Variants in CCSER1 observed in about 807,000 individuals in gnomAD.
CCSER1 encodes the protein coiled-coil serine rich protein 1.
A neutral mutation model predicts 82.0 loss-of-function variants in CCSER1; 41 were observed. That is an observed-to-expected ratio of 0.50 (90% confidence interval 0.39 to 0.65). The LOEUF is 0.65. Among genes scored for constraint, CCSER1 ranks in the 30% least tolerant of loss-of-function variants. The pLI is 0.00. For synonymous variants in CCSER1, 414 were observed against 383.9 expected (o/e 1.08, Z -0.92); for missense variants, 1,119 against 1,064.2 (o/e 1.05, Z -0.72).
chr4:91,212,175 A>T (rs1736871680), intron 10 of CCSER1, among the ~76,000 whole-genome samples: 1 of 152,008 alleles, frequency 6.6e-6, no homozygotes, highest in Non-Finnish European at 1.5e-5. Flanking sequence ...GTTGCTTAGA[A>T]CAGAACATAC....
At chr4:90,217,116 C>T (rs530055192) in intron 1 of CCSER1, among the ~76,000 whole-genome samples, 4 of 152,188 alleles carry the variant, frequency 2.6e-5, no homozygotes, top group East Asian at 1.9e-4. Context: ...TACTAATTTT[C>T]GTACATTGAT....
At chr4:91,381,582 T>A (rs542898746) in intron 10 of CCSER1, among the ~76,000 whole-genome samples, 1 of 152,328 alleles carries the variant, frequency 6.6e-6, no homozygotes, top group South Asian at 2.1e-4. Flanking sequence ...CGTGCCATGG[T>A]TTTCAGCTCC....
intron 5 of CCSER1, among the ~76,000 whole-genome samples, chr4:90,487,612 C>G (rs1767314058): frequency 6.6e-6 from 1 of 152,202 alleles, no homozygotes; most frequent in South Asian, 2.1e-4. Flanking sequence ...ATGGAATAAA[C>G]AGCTGAAAGA....
Position 90,275,377 on chromosome 4 carries a change from TAATA to T in CCSER1, c.-41-32862_-41-32859del, listed in dbSNP as rs371085033. ...CATAAGGATTCATAGTAGAGGAGAA[TAATA>T]AATACAAATGTGAAAATAAAAGGGG... On this transcript the variant is annotated intron_variant, in intron 1 of 10. Transcript: ENST00000509176. 9.1e-3 allele frequency among the ~76,000 whole-genome samples: 1,382 copies of T among 152,210 alleles called. 16 individuals are homozygous for T. The highest frequency in any genetic ancestry group is 0.049 in the South Asian group (234 of 4,822).
At chr4:90,447,023 T>A (rs1012261624) in intron 4 of CCSER1, among the ~76,000 whole-genome samples, 4 of 152,060 alleles carry the variant, frequency 2.6e-5, no homozygotes, top group Non-Finnish European at 5.9e-5. Context: ...ACTTATATTA[T>A]CAGTAAAACT....
intron 3 of CCSER1, among the ~76,000 whole-genome samples, chr4:90,329,908 T>C (rs1359079829): frequency 6.6e-6 from 1 of 152,158 alleles, no homozygotes; most frequent in Non-Finnish European, 1.5e-5. Context: ...ATGTGACTAC[T>C]TATGTAACTT....
chr4:90,161,582 A>G (rs1036444733), intron 1 of CCSER1, among the ~76,000 whole-genome samples: 2 of 152,126 alleles, frequency 1.3e-5, no homozygotes, highest in Non-Finnish European at 2.9e-5. Context: ...TTAAATGAGA[A>G]TAATTATAGA....
intron 10 of CCSER1, among the ~76,000 whole-genome samples, chr4:91,251,542 A>G (rs1740262972): frequency 6.6e-6 from 1 of 152,188 alleles, no homozygotes; most frequent in Non-Finnish European, 1.5e-5. Flanking sequence ...TTAATCATGT[A>G]GTTATCTGGC....
At chr4:90,132,955 G>A (rs1484994665) in intron 1 of CCSER1, among the ~76,000 whole-genome samples, 4 of 152,102 alleles carry the variant, frequency 2.6e-5, no homozygotes, top group Non-Finnish European at 5.9e-5. Context: ...TTTTCAAAAT[G>A]TGGTGTCCTA....
chr4:91,006,552 T>G (rs564733885), intron 9 of CCSER1, among the ~76,000 whole-genome samples: 17 of 151,760 alleles, frequency 1.1e-4, no homozygotes, highest in African/African-American at 2.4e-5. Flanking sequence ...TGCAGTGGCG[T>G]GATCTCGGCT....
intron 1 of CCSER1, among the ~76,000 whole-genome samples, chr4:90,156,226 T>C (rs914604735): frequency 1.2e-4 from 18 of 152,230 alleles, no homozygotes; most frequent in Non-Finnish European, 2.4e-4. Flanking sequence ...GATTGCACTG[T>C]GGTCTGAGAG....
At chr4:90,937,256 G>T (rs996568697) in intron 9 of CCSER1, among the ~76,000 whole-genome samples, 1 of 152,114 alleles carries the variant, frequency 6.6e-6, no homozygotes, top group African/African-American at 2.4e-5. Context: ...GAACTCGAGT[G>T]ATGGGTCACT....
chr4:91,489,796 A>ACAATAAAAATAAATAAAT, intron 10 of CCSER1, among the ~76,000 whole-genome samples: 1 of 151,572 alleles, frequency 6.6e-6, no homozygotes, highest in Non-Finnish European at 1.5e-5. Context: ...TTAAAATAAA[A>ACAATAAAAATAAATAAAT]AAAAGATTGA....
At chr4:91,032,719 T>C (rs1741092214) in intron 9 of CCSER1, among the ~76,000 whole-genome samples, 1 of 152,206 alleles carries the variant, frequency 6.6e-6, no homozygotes. Context: ...TAATTGTTAT[T>C]AAGAGTTGTA....
intron 10 of CCSER1, among the ~76,000 whole-genome samples, chr4:91,208,896 T>C (rs557460170): frequency 2.6e-5 from 4 of 152,138 alleles, no homozygotes; most frequent in Non-Finnish European, 4.4e-5. Flanking sequence ...CTTTGAGCAG[T>C]GTCTTGTAAT....
chr4:90,740,774 GTTCT>G (rs1746421070), intron 7 of CCSER1, among the ~76,000 whole-genome samples: 1 of 151,930 alleles, frequency 6.6e-6, no homozygotes, highest in Non-Finnish European at 1.5e-5. Flanking sequence ...CTGTTTTGGG[GTTCT>G]TTAAGTAGTA....
chr4:90,917,660 A>G (rs1185283291), intron 8 of CCSER1, among the ~76,000 whole-genome samples: 2 of 152,132 alleles, frequency 1.3e-5, no homozygotes, highest in East Asian at 3.9e-4. Flanking sequence ...CTTAAAGTAT[A>G]ATTTTTTAAA....
intron 9 of CCSER1, among the ~76,000 whole-genome samples, chr4:90,931,017 A>G (rs1400617114): frequency 2.1e-5 from 3 of 141,152 alleles, no homozygotes; most frequent in Non-Finnish European, 4.5e-5. Context: ...TCCTTGAAAT[A>G]TATATATATA....
At chr4:90,613,550 T>G (rs1720645913) in intron 5 of CCSER1, among the ~76,000 whole-genome samples, 1 of 152,160 alleles carries the variant, frequency 6.6e-6, no homozygotes, top group Non-Finnish European at 1.5e-5. Context: ...TTCACACTTC[T>G]GGGAACCATA....
Sources: allele counts gnomAD v4.1 joint callset (sites outside exome capture counted in the v4.1 genomes callset), GRCh38; gene constraint gnomAD v4.1.1; transcripts MANE v1.5; gene names NCBI Gene and HGNC (gene_info 2026-07-23, HGNC 2026-07-21).